Variants in TSHZ2 observed in about 807,000 individuals in gnomAD.
TSHZ2 encodes teashirt zinc finger homeobox 2, also known as teashirt homolog 2.
Under a neutral mutation model 74.4 loss-of-function variants are expected in TSHZ2, and 21 were observed. The ratio of observed to expected loss-of-function variants is 0.28; its 90% CI spans 0.20 to 0.41. TSHZ2 has a LOEUF of 0.41. Ranked by LOEUF, TSHZ2 falls within the 10% of genes least tolerant of loss-of-function variation. The probability of loss-of-function intolerance (pLI) is 1.00; values close to 1 mark genes in which losing one functional copy is unlikely to be tolerated. For synonymous variants in TSHZ2, 540 were observed against 515.3 expected, an observed-to-expected ratio of 1.05 and a Z score of -0.65; for missense variants, 1,244 against 1,293.5, an observed-to-expected ratio of 0.96 and a Z score of 0.59.
At chr20:53,464,249 G>T (rs536742353) in intron 2 of TSHZ2, among the ~76,000 whole-genome samples, 3 of 152,150 alleles carry the variant, frequency 2.0e-5, no homozygotes, top group South Asian at 4.1e-4. Flanking sequence ...AACAGTGCTC[G>T]TCCAGACCAA....
intron 1 of TSHZ2, among the ~76,000 whole-genome samples, chr20:52,974,858 A>T (rs1252829879): frequency 2.0e-5 from 3 of 152,236 alleles, no homozygotes; most frequent in African/African-American, 7.2e-5. Context: ...AATATTGATA[A>T]AGCGTGGATT....
intron 2 of TSHZ2, among the ~76,000 whole-genome samples, chr20:53,305,473 C>T (rs748290471): frequency 7.2e-5 from 11 of 152,000 alleles, no homozygotes; most frequent in Non-Finnish European, 1.5e-4. Context: ...CACTGGGACA[C>T]GCCAAGCTAT....
chr20:53,015,024 GT>G (rs1250525675), intron 1 of TSHZ2, among the ~76,000 whole-genome samples: 1 of 152,038 alleles, frequency 6.6e-6, no homozygotes, highest in African/African-American at 2.4e-5. Flanking sequence ...CCATTCCCTT[GT>G]TGCCCCACAC....
chr20:53,346,297 C>T (rs1980435835), intron 2 of TSHZ2, among the ~76,000 whole-genome samples: 1 of 152,168 alleles, frequency 6.6e-6, no homozygotes, highest in Admixed American at 6.5e-5. Flanking sequence ...TTGAGTTTCA[C>T]TGAGGAAATT....
intron 2 of TSHZ2, among the ~76,000 whole-genome samples, chr20:53,337,353 CAT>C (rs1979994083): frequency 6.6e-6 from 1 of 152,218 alleles, no homozygotes; most frequent in East Asian, 1.9e-4. Context: ...CATGTTGACA[CAT>C]AAAACCAACC....
At chr20:53,395,437 G>A (rs1294430011) in intron 2 of TSHZ2, among the ~76,000 whole-genome samples, 1 of 152,178 alleles carries the variant, frequency 6.6e-6, no homozygotes, top group Admixed American at 6.5e-5. Flanking sequence ...TTTCCTGTCT[G>A]GGACATTCTG....
At chr20:53,471,573 C>G (rs746041634) in intron 2 of TSHZ2, among the ~76,000 whole-genome samples, 35 of 152,074 alleles carry the variant, frequency 2.3e-4, no homozygotes, top group Non-Finnish European at 4.4e-4. Context: ...GAGAAAGCAC[C>G]ATCTGAACTG....
intron 1 of TSHZ2, among the ~76,000 whole-genome samples, chr20:53,111,626 A>G (rs570719625): frequency 9.2e-5 from 14 of 152,302 alleles, no homozygotes; most frequent in Middle Eastern, 6.8e-3. Flanking sequence ...GAGACCTGGA[A>G]CATTGGTGCA....
chr20:53,130,230 T>TA (rs11475485), intron 1 of TSHZ2, among the ~76,000 whole-genome samples: 40 of 148,664 alleles, frequency 2.7e-4, no homozygotes, highest in East Asian at 1.6e-3. Context: ...AGCTAAAATT[T>TA]AAAAAAAAAA....
chr20:52,986,844 C>T (rs894344408), intron 1 of TSHZ2, among the ~76,000 whole-genome samples: 6 of 151,698 alleles, frequency 4.0e-5, no homozygotes, highest in East Asian at 1.9e-4. Context: ...AATAAAATTA[C>T]GGCAAGAAAA....
intron 2 of TSHZ2, among the ~76,000 whole-genome samples, chr20:53,406,216 G>A (rs1982846828): frequency 6.6e-6 from 1 of 152,038 alleles, no homozygotes; most frequent in Admixed American, 6.6e-5. Flanking sequence ...AAGAGCAGGT[G>A]GATGTGTCTA....
intron 2 of TSHZ2, among the ~76,000 whole-genome samples, chr20:53,273,035 C>T (rs1459395000): frequency 6.6e-6 from 1 of 152,174 alleles, no homozygotes; most frequent in Non-Finnish European, 1.5e-5. Context: ...CAGAACATCC[C>T]AGGCAGGAGA....
intron 2 of TSHZ2, chr20:53,455,224 A>T (rs1985008177): frequency 6.6e-6 from 1 of 151,928 alleles, no homozygotes; most frequent in African/African-American, 2.4e-5. Flanking sequence ...ACTCAGTCCC[A>T]TCACCCTGCT....
intron 1 of TSHZ2, among the ~76,000 whole-genome samples, chr20:52,998,042 T>C (rs145134578): frequency 1.6e-3 from 246 of 152,228 alleles, no homozygotes; most frequent in Non-Finnish European, 1.2e-3. Flanking sequence ...CGTGAGCACG[T>C]TGAGATTTTT....
chr20:53,433,553 G>T (rs1983918144), intron 2 of TSHZ2, among the ~76,000 whole-genome samples: 2 of 136,520 alleles, frequency 1.5e-5, no homozygotes, highest in Admixed American at 1.5e-4. Flanking sequence ...AAAAGAAGCA[G>T]AACAAACCAA....
intron 1 of TSHZ2, among the ~76,000 whole-genome samples, chr20:53,037,942 G>A (rs1322436687): frequency 1.3e-5 from 2 of 151,934 alleles, no homozygotes; most frequent in Admixed American, 1.3e-4. Flanking sequence ...GCTTGGTTGG[G>A]TCTCCACATG....
At chr20:53,316,119 A>G (rs1444370521) in intron 2 of TSHZ2, among the ~76,000 whole-genome samples, 1 of 152,236 alleles carries the variant, frequency 6.6e-6, no homozygotes, top group Non-Finnish European at 1.5e-5. Context: ...AAGTTGTGCA[A>G]ACTAAGGCAT....
chr20:53,055,920 C>T (rs1334313466), intron 1 of TSHZ2, among the ~76,000 whole-genome samples: 1 of 152,202 alleles, frequency 6.6e-6, no homozygotes, highest in Non-Finnish European at 1.5e-5. Context: ...GCAACAGAGA[C>T]AGTGTGACCT....
intron 2 of TSHZ2, among the ~76,000 whole-genome samples, chr20:53,442,249 G>A (rs1016045274): frequency 2.6e-5 from 4 of 152,164 alleles, no homozygotes; most frequent in African/African-American, 9.7e-5. Context: ...CCCTGCAACC[G>A]CCACTAATCT....
Sources: allele counts gnomAD v4.1 joint callset (sites outside exome capture counted in the v4.1 genomes callset), GRCh38; gene constraint gnomAD v4.1.1; transcripts MANE v1.5; gene names NCBI Gene and HGNC (gene_info 2026-07-23, HGNC 2026-07-21).